The following JMJD1C variants were observed in gnomAD, a reference collection of about 807,000 sequenced individuals.
JMJD1C encodes the protein jumonji domain-containing protein 1C.
JMJD1C carries 31 observed loss-of-function variants against 245.3 expected under a neutral mutation model. The observed-to-expected ratio is 0.13, with a 90% CI of 0.09 to 0.17. The LOEUF (loss-of-function observed/expected upper bound fraction) is 0.17. Among genes scored for constraint, JMJD1C ranks in the 10% least tolerant of loss-of-function variants. JMJD1C has a pLI of 1.00. For synonymous variants in JMJD1C, 1,057 were observed against 1,017.4 expected, an observed-to-expected ratio of 1.04 and a Z score of -0.74; for missense variants, 2,691 against 3,000.2, an observed-to-expected ratio of 0.90 and a Z score of 2.41.
At chr10:63,344,239 A>G (rs1943618118) in intron 2 of JMJD1C, among the ~76,000 whole-genome samples, 1 of 152,036 alleles carries the variant, frequency 6.6e-6, no homozygotes, top group East Asian at 1.9e-4. Context: ...TTTATATCAT[A>G]TTTTTTTGTA....
chr10:63,350,138 C>T (rs1944222884), intron 2 of JMJD1C, among the ~76,000 whole-genome samples: 2 of 152,148 alleles, frequency 1.3e-5, no homozygotes, highest in Admixed American at 1.3e-4. Flanking sequence ...CAACCAAATA[C>T]TTTTCTGTAA....
At chr10:63,355,562 C>G (rs1310193764) in intron 2 of JMJD1C, among the ~76,000 whole-genome samples, 1 of 151,996 alleles carries the variant, frequency 6.6e-6, no homozygotes, top group Non-Finnish European at 1.5e-5. Context: ...CAGAAAGCTA[C>G]TCTTGGAAGA....
Position 63,186,253 on chromosome 10 carries a change from T to C in JMJD1C, c.6701A>G (p.Asn2234Ser), listed in dbSNP as rs1040108326. The change falls in exon 19 of 26, where the codon AAT becomes AGT. Residue 2234 changes from asparagine (N) to serine (S), a missense_variant. By Grantham distance (46) the Asn-to-Ser change is conservative. Around this residue, in one of 9 missense-constraint regions of JMJD1C, gnomAD observed 232 missense variants for 416.1 expected, o/e 0.56. Coordinates refer to ENST00000399262, the MANE Select transcript of JMJD1C (RefSeq NM_032776.3). The part of the protein sequence containing the change: ...NCKDSIISNA[N>S]VKEFWDGFEE... ...AAAACCATCCCAGAATTCCTTAACA[T>C]TGGCATTTGAAATGATGCTATCTTT... 5.6e-6 allele frequency: 9 copies of C among 1,611,836 alleles called. No individual in the cohort carries two copies. The highest frequency in any genetic ancestry group is 1.1e-5 in the South Asian group (1 of 90,398).
intron 2 of JMJD1C, among the ~76,000 whole-genome samples, chr10:63,324,733 A>T (rs1364270720): frequency 6.6e-6 from 1 of 152,218 alleles, no homozygotes; most frequent in African/African-American, 2.4e-5. Context: ...TCAGATGGTG[A>T]TAAGTGATTT....
intron 2 of JMJD1C, among the ~76,000 whole-genome samples, chr10:63,313,511 G>C (rs1272651236): frequency 6.6e-6 from 1 of 152,126 alleles, no homozygotes. Flanking sequence ...CTACTTAAAG[G>C]AATCTTCACA....
At chr10:63,485,603 C>G (rs2133200616) in intron 1 of JMJD1C, among the ~76,000 whole-genome samples, 1 of 152,232 alleles carries the variant, frequency 6.6e-6, no homozygotes, top group East Asian at 1.9e-4. Flanking sequence ...CAAATTTACT[C>G]CATTTTGAGT....
Position 63,214,008 on chromosome 10 carries a change from A to G in JMJD1C, c.2159T>C (p.Ile720Thr), listed in dbSNP as rs751544950. 29 of 1,614,234 alleles carry G rather than the reference A, an allele frequency of 1.8e-5. No homozygotes were observed. Among genetic ancestry groups the G allele is most frequent in the Admixed American group, 1.0e-4 (6 of 60,032 alleles). The change falls in exon 8 of 26, where the codon ATT becomes ACT. Residue 720 changes from isoleucine (I) to threonine (T), a missense_variant. Ile to Thr is a moderately conservative substitution (Grantham distance 89, BLOSUM62 -1). Transcript: ENST00000399262. ...ATGATTAGCTCCTGTTTCTGACCCA[A>G]TAAGTGCAGGATCTCTGTAAACTGT... Reference protein sequence around the residue: ...HFTVYRDPALIGSETGANHIS... With the variant: ...HFTVYRDPALTGSETGANHIS...
At chr10:63,242,657 C>T (rs533446664) in intron 3 of JMJD1C, among the ~76,000 whole-genome samples, 1 of 152,254 alleles carries the variant, frequency 6.6e-6, no homozygotes, top group South Asian at 2.1e-4. Flanking sequence ...ACCCAGGACG[C>T]GGAGGTTGCA....
At chr10:63,319,784 C>CG (rs1234771785) in intron 2 of JMJD1C, among the ~76,000 whole-genome samples, 1 of 152,080 alleles carries the variant, frequency 6.6e-6, no homozygotes, top group African/African-American at 2.4e-5. Context: ...GTTTTCTCCA[C>CG]GACAGAGTCT....
chr10:63,236,480 T>C (rs1276758170), intron 3 of JMJD1C, among the ~76,000 whole-genome samples: 2 of 152,222 alleles, frequency 1.3e-5, no homozygotes, highest in Non-Finnish European at 2.9e-5. Context: ...TTTATGGCAG[T>C]TCAAAAGTCT....
intron 1 of JMJD1C, among the ~76,000 whole-genome samples, chr10:63,413,282 T>C (rs1376265709): frequency 6.6e-6 from 1 of 152,214 alleles, no homozygotes; most frequent in Non-Finnish European, 1.5e-5. Flanking sequence ...GTTTGGACTT[T>C]ACCTGGTCTG....
intron 2 of JMJD1C, among the ~76,000 whole-genome samples, chr10:63,292,585 T>C (rs1858908797): frequency 6.6e-6 from 1 of 152,088 alleles, no homozygotes. Flanking sequence ...CACTCCACCC[T>C]GGATGACAGA....
chr10:63,183,319 G>T, intron 22 of JMJD1C, 128 bp downstream of exon 22: 1 of 704,926 alleles, frequency 1.4e-6, no homozygotes, highest in Non-Finnish European at 2.3e-6. Flanking sequence ...GGGCTAAAAT[G>T]CCCCTACATC....
chr10:63,293,346 T>C (rs1859003041), intron 2 of JMJD1C, among the ~76,000 whole-genome samples: 3 of 152,144 alleles, frequency 2.0e-5, no homozygotes, highest in Admixed American at 2.0e-4. Flanking sequence ...AAACAAATCT[T>C]TCTGCTCTCA....
intron 2 of JMJD1C, among the ~76,000 whole-genome samples, chr10:63,274,527 T>C (rs1856605297): frequency 6.6e-6 from 1 of 151,770 alleles, no homozygotes; most frequent in Non-Finnish European, 1.5e-5. Context: ...ATTGTGCCAC[T>C]GCACTCCAGT....
intron 2 of JMJD1C, among the ~76,000 whole-genome samples, chr10:63,282,905 A>G (rs918483393): frequency 2.0e-5 from 3 of 152,168 alleles, no homozygotes; most frequent in Non-Finnish European, 4.4e-5. Context: ...TTTAGTAGAG[A>G]CAGGGTTTTA....
At chr10:63,174,788 C>T (rs10822145) in intron 24 of JMJD1C, among the ~76,000 whole-genome samples, 66,626 of 151,566 alleles carry the variant, frequency 0.44, 15,148 homozygotes, top group South Asian at 0.53. Flanking sequence ...GAGCCAAGAT[C>T]GCGCCACTGA....
chr10:63,368,901 G>A (rs568026396), intron 2 of JMJD1C, among the ~76,000 whole-genome samples: 7 of 151,534 alleles, frequency 4.6e-5, no homozygotes, highest in Admixed American at 6.6e-5. Context: ...GCCCACCCTC[G>A]CCTCCCAAAG....
chr10:63,520,687 C>A (rs1955186590), intron 1 of JMJD1C, among the ~76,000 whole-genome samples: 1 of 152,164 alleles, frequency 6.6e-6, no homozygotes, highest in Admixed American at 6.5e-5. Flanking sequence ...GAACATCTGG[C>A]AGGCCTCAGG....
Sources: allele counts gnomAD v4.1 joint callset (sites outside exome capture counted in the v4.1 genomes callset), GRCh38; gene constraint gnomAD v4.1.1; regional missense constraint gnomAD v4.1.1; transcripts MANE v1.5; gene names NCBI Gene and HGNC (gene_info 2026-07-23, HGNC 2026-07-21).